MTBP: variants seen among roughly 807,000 people sequenced by gnomAD.
MTBP encodes the protein mdm2-binding protein.
Under a neutral mutation model 117.0 loss-of-function variants are expected in MTBP, and 101 were observed. That is an observed-to-expected ratio of 0.86 (90% CI 0.73 to 1.02). The LOEUF (loss-of-function observed/expected upper bound fraction) is 1.02. MTBP is among the 50% of genes least tolerant of loss of function. MTBP has a pLI of 0.00. For synonymous variants in MTBP, 350 were observed against 351.5 expected, an observed-to-expected ratio of 1.00 and a Z score of 0.05; for missense variants, 970 against 1,030.9, an observed-to-expected ratio of 0.94 and a Z score of 0.81.
In MTBP at chr8:120,521,326, C is replaced by T. The variant is rs185163034; in HGVS notation, c.2611-1328C>T. On this transcript the variant is annotated intron_variant, in intron 20 of 21. Coordinates refer to ENST00000305949, the MANE Select transcript of MTBP (RefSeq NM_022045.5). Reference sequence around the variant, plus strand: ...TATTGGAAGAAAGATAAATTATAACCATAATACATTAATTAGCACACAATT... The same window carrying T: ...TATTGGAAGAAAGATAAATTATAACTATAATACATTAATTAGCACACAATT... Among the ~76,000 whole-genome samples, 608 of 152,176 alleles carry T rather than the reference C, an allele frequency of 4.0e-3. 6 individuals carry two copies. Among genetic ancestry groups the T allele is most frequent in the Non-Finnish European group, 6.6e-3 (452 of 67,986 alleles).
intron 11 of MTBP, among the ~76,000 whole-genome samples, chr8:120,477,728 G>A (rs990346542): frequency 2.6e-5 from 4 of 152,138 alleles, no homozygotes; most frequent in Admixed American, 1.3e-4. Context: ...AGTTAGAATG[G>A]CGATCATTAA....
intron 10 of MTBP, among the ~76,000 whole-genome samples, chr8:120,469,537 T>G (rs181680323): frequency 1.2e-3 from 177 of 152,326 alleles, no homozygotes; most frequent in African/African-American, 4.0e-3. Flanking sequence ...TGCAAAACTT[T>G]TTGAACCACC....
Position 120,504,675 on chromosome 8 carries a change from CTTA to C in MTBP, c.1728-2025_1728-2023del, listed in dbSNP as rs1274692869. 2.1e-4 allele frequency among the ~76,000 whole-genome samples: 32 copies of C among 152,016 alleles called. 1 individual carries two copies. The highest frequency in any genetic ancestry group is 2.1e-3 in the South Asian group (10 of 4,820). On this transcript the variant is annotated intron_variant, in intron 15 of 21. Transcript: ENST00000305949. ...GTCTTTTTGTGGCTCTGAGAAATAT[CTTA>C]TTATTTCTTCAATACTATTCTTCCC... is the stretch of plus-strand genomic sequence containing the variant.
chr8:120,496,688 G>A (rs565662392), intron 13 of MTBP, among the ~76,000 whole-genome samples: 57 of 145,272 alleles, frequency 3.9e-4, no homozygotes, highest in African/African-American at 1.3e-3. Flanking sequence ...CTATCTTTTC[G>A]TATACCTGAT....
At chr8:120,475,956 C>A (rs1386777532) in intron 11 of MTBP, among the ~76,000 whole-genome samples, 2 of 151,892 alleles carry the variant, frequency 1.3e-5, no homozygotes, top group Non-Finnish European at 2.9e-5. Flanking sequence ...GCTGTGGATT[C>A]ATTATCTTTA....
chr8:120,476,257 A>C (rs576987970), intron 11 of MTBP, among the ~76,000 whole-genome samples: 5 of 152,118 alleles, frequency 3.3e-5, no homozygotes, highest in African/African-American at 1.2e-4. Flanking sequence ...AACATATCTC[A>C]AAATAATAAG....
intron 2 of MTBP, among the ~76,000 whole-genome samples, chr8:120,448,951 G>A (rs944838842): frequency 9.2e-5 from 14 of 152,202 alleles, no homozygotes; most frequent in African/African-American, 3.1e-4. Context: ...AATAGTGTCA[G>A]GGTGTTTGGA....
intron 16 of MTBP, among the ~76,000 whole-genome samples, chr8:120,507,800 AT>A (rs561561688): frequency 6.6e-5 from 10 of 152,042 alleles, no homozygotes; most frequent in Non-Finnish European, 8.8e-5. Flanking sequence ...TTTTGGAGTA[AT>A]TTTTTTCCCA....
At chr8:120,497,970 A>G (rs981977607) in intron 14 of MTBP, among the ~76,000 whole-genome samples, 9 of 152,192 alleles carry the variant, frequency 5.9e-5, no homozygotes, top group Non-Finnish European at 1.0e-4. Context: ...AACATTCAAT[A>G]GGGGAGGAAC....
At chr8:120,520,474 C>T (rs1187953986) in intron 20 of MTBP, among the ~76,000 whole-genome samples, 1 of 152,110 alleles carries the variant, frequency 6.6e-6, no homozygotes, top group Non-Finnish European at 1.5e-5. Flanking sequence ...GAACAATTTT[C>T]TCTCCTTTGT....
intron 9 of MTBP, among the ~76,000 whole-genome samples, chr8:120,462,797 G>A (rs1400959277): frequency 6.6e-6 from 1 of 152,082 alleles, no homozygotes; most frequent in Non-Finnish European, 1.5e-5. Context: ...TAAGTTGAGT[G>A]GGCATGGCTC....
At chr8:120,492,867 T>C (rs1416554474) in intron 13 of MTBP, among the ~76,000 whole-genome samples, 1 of 152,204 alleles carries the variant, frequency 6.6e-6, no homozygotes, top group Non-Finnish European at 1.5e-5. Flanking sequence ...GTGACTTATA[T>C]TTTACCAAAT....
chr8:120,506,640 T>TC, intron 15 of MTBP, 66 bp from the exon 16 acceptor site: 1 of 1,273,440 alleles, frequency 7.9e-7, no homozygotes, highest in Non-Finnish European at 1.0e-6. Context: ...TTTTTTTTTT[T>TC]TTGACTCTGG....
At chr8:120,506,907 T>C in intron 16 of MTBP, 46 bp downstream of exon 16, 1 of 1,482,118 alleles carries the variant, frequency 6.7e-7, no homozygotes, top group Non-Finnish European at 9.1e-7. Context: ...TAAAAATTAC[T>C]TTTAAATAAA....
At chr8:120,447,707 A>T (rs79520984) in intron 2 of MTBP, among the ~76,000 whole-genome samples, 8,880 of 152,268 alleles carry the variant, frequency 0.058, 346 homozygotes, top group Middle Eastern at 0.12. Context: ...GAAATAAAAA[A>T]ATAGTAAAAA....
In MTBP at chr8:120,446,522, A is replaced by G. The variant is rs766169491; in HGVS notation, c.199+9A>G. 4 of 1,449,550 alleles carry G rather than the reference A, an allele frequency of 2.8e-6. No individual in the cohort carries two copies. Among genetic ancestry groups the G allele is most frequent in the Non-Finnish European group, 3.9e-6 (4 of 1,030,458 alleles). The allele number at this position is 1,449,550 out of a possible 1,614,324, so 89.8% of individuals were successfully genotyped here. A position where few individuals can be genotyped will look rare whatever the true frequency, so the allele number is the denominator to read the frequency against. On this transcript the variant is annotated intron_variant, in intron 2 of 21. Coordinates refer to ENST00000305949, the MANE Select transcript of MTBP (RefSeq NM_022045.5). ...AGATAGTACTTTCCCTGGTAAGTAT[A>G]ATAAACTCCTCTTTTCTCTGGCACA... is the stretch of plus-strand genomic sequence containing the variant.
chr8:120,497,921 A>G (rs2130595668), intron 14 of MTBP, among the ~76,000 whole-genome samples: 1 of 152,344 alleles, frequency 6.6e-6, no homozygotes, highest in Non-Finnish European at 1.5e-5. Context: ...AGTAAATTTA[A>G]TAGAGGTAAA....
chr8:120,464,386 T>C (rs1467773151), intron 10 of MTBP, among the ~76,000 whole-genome samples: 2 of 152,050 alleles, frequency 1.3e-5, no homozygotes, highest in Admixed American at 6.5e-5. Flanking sequence ...TTGCTTTTTT[T>C]CTAGTTATTT....
In MTBP at chr8:120,451,290, C is replaced by T. The variant is rs139083638; in HGVS notation, c.393C>T (p.Asp131=). 1.5e-5 allele frequency: 25 copies of T among 1,612,948 alleles called. No homozygotes were observed. In the African/African-American group the frequency reaches 2.3e-4, roughly 15 times the overall value. The change falls in exon 4 of 22, where the codon GAC becomes GAT. Residue 131 remains aspartate (D), a synonymous_variant. Transcript: ENST00000305949. ...CTGTTGAGTGTTTTGAAGAAGAAGA[C>T]AGTAATAGCAGGGAATCATTATCCT... ...LGAVECFEEE[D]SNSRESLSLA...
Sources: allele counts gnomAD v4.1 joint callset (sites outside exome capture counted in the v4.1 genomes callset), GRCh38; gene constraint gnomAD v4.1.1; transcripts MANE v1.5; gene names NCBI Gene and HGNC (gene_info 2026-07-23, HGNC 2026-07-21).